DAAM1: variants seen among roughly 807,000 people sequenced by gnomAD.
DAAM1 encodes the protein disheveled-associated activator of morphogenesis 1.
Under a neutral mutation model 130.0 loss-of-function variants are expected in DAAM1, and 52 were observed. The observed-to-expected ratio is 0.40, with a 90% CI of 0.32 to 0.50. DAAM1 has a LOEUF of 0.50. DAAM1 is among the 20% of genes least tolerant of loss of function. The probability of loss-of-function intolerance (pLI) is 0.61; values close to 1 mark genes in which losing one functional copy is unlikely to be tolerated. For synonymous variants in DAAM1, 452 were observed against 444.5 expected, an observed-to-expected ratio of 1.02 and a Z score of -0.21; for missense variants, 1,134 against 1,303.8, an observed-to-expected ratio of 0.87 and a Z score of 2.01.
At chr14:59,262,938 C>T (rs868359749) in intron 1 of DAAM1, among the ~76,000 whole-genome samples, 1 of 152,086 alleles carries the variant, frequency 6.6e-6, no homozygotes, top group Middle Eastern at 3.2e-3. Flanking sequence ...AAGACACACT[C>T]ATAAAGAGCT....
At chr14:59,244,255 T>TTA (rs3047796) in intron 1 of DAAM1, among the ~76,000 whole-genome samples, 2 of 151,872 alleles carry the variant, frequency 1.3e-5, no homozygotes, top group African/African-American at 4.8e-5. Flanking sequence ...TTTTTTTTTT[T>TTA]AATAAATTGC....
At chr14:59,195,089 G>C (rs1887842683) in intron 1 of DAAM1, among the ~76,000 whole-genome samples, 1 of 150,998 alleles carries the variant, frequency 6.6e-6, no homozygotes, top group African/African-American at 2.4e-5. Context: ...TTTTTGAACA[G>C]ACATTGATTT....
chr14:59,255,670 C>T (rs1881848169), intron 1 of DAAM1, among the ~76,000 whole-genome samples: 1 of 152,168 alleles, frequency 6.6e-6, no homozygotes, highest in African/African-American at 2.4e-5. Context: ...CAACCTTTCT[C>T]TTTAAAGATG....
intron 4 of DAAM1, 57 bp downstream of exon 4, chr14:59,315,408 G>A: frequency 6.7e-7 from 1 of 1,489,532 alleles, no homozygotes; most frequent in Non-Finnish European, 9.3e-7. Context: ...GTAGTACAAA[G>A]TACACAGTTG....
At chr14:59,246,384 T>A (rs1881379972) in intron 1 of DAAM1, among the ~76,000 whole-genome samples, 1 of 152,158 alleles carries the variant, frequency 6.6e-6, no homozygotes, top group Non-Finnish European at 1.5e-5. Flanking sequence ...ATGTGACAAG[T>A]TTTCCTTCCT....
At chr14:59,243,879 T>C (rs1425139179) in intron 1 of DAAM1, among the ~76,000 whole-genome samples, 1 of 152,194 alleles carries the variant, frequency 6.6e-6, no homozygotes, top group Non-Finnish European at 1.5e-5. Flanking sequence ...AACATTAGCA[T>C]CCCAGGGATA....
Position 59,363,755 on chromosome 14 carries a change from A to G in DAAM1, c.2799A>G (p.Glu933=), listed in dbSNP as rs761565015. 2 of 1,614,098 alleles carry G rather than the reference A, an allele frequency of 1.2e-6. No homozygotes were observed. The highest frequency in any genetic ancestry group is 1.7e-5 in the Admixed American group (1 of 60,020). Residue 933 remains glutamate (E), a synonymous_variant, in exon 23 of 25, where the codon GAA becomes GAG. Coordinates refer to ENST00000360909, the MANE Select transcript of DAAM1 (RefSeq NM_001270520.2). Reference sequence around the variant, plus strand: ...CCAGCTTCAGCTTCTCTGATGTTGAAGACCTTCTAGCAGAAGCTAAAGACC... The same window carrying G: ...CCAGCTTCAGCTTCTCTGATGTTGAGGACCTTCTAGCAGAAGCTAAAGACC... ...TVASFSFSDV[E]DLLAEAKDLF...
In DAAM1 at chr14:59,248,565, G is replaced by T. The variant is rs577254679; in HGVS notation, c.-37-14876G>T. Among the ~76,000 whole-genome samples the T allele has an allele frequency of 3.0e-4, 45 of 152,256 alleles. No individual in the cohort carries two copies. In the South Asian group the frequency reaches 4.4e-3, roughly 15 times the overall value. On this transcript the variant is annotated intron_variant, in intron 1 of 24. Transcript: ENST00000360909. ...GCCGCCGCTGGTAATTTCTGTTTTG[G>T]TTGATGATTAGCTTTGTTTAATGAA... is the stretch of plus-strand genomic sequence containing the variant.
intron 1 of DAAM1, among the ~76,000 whole-genome samples, chr14:59,218,773 G>A (rs1888671453): frequency 6.6e-6 from 1 of 152,148 alleles, no homozygotes; most frequent in Non-Finnish European, 1.5e-5. Flanking sequence ...ATTCTTTGGA[G>A]ATATTTTTAA....
intron 1 of DAAM1, among the ~76,000 whole-genome samples, chr14:59,257,753 C>T (rs138786002): frequency 5.5e-4 from 84 of 152,362 alleles, no homozygotes; most frequent in African/African-American, 2.0e-3. Flanking sequence ...ACCCCCACGA[C>T]TCAGCATCCA....
chr14:59,202,068 C>A lies in DAAM1; in HGVS notation c.-38+13300C>A, dbSNP rs150114126. On this transcript the variant is annotated intron_variant, in intron 1 of 24. Coordinates refer to ENST00000360909, the MANE Select transcript of DAAM1 (RefSeq NM_001270520.2). Reference sequence around the variant, plus strand: ...ACTACCCATTCACAAATAATCAGTACCATGAGCATCCTTGAGATAAAAATT... The same window carrying A: ...ACTACCCATTCACAAATAATCAGTAACATGAGCATCCTTGAGATAAAAATT... Among the ~76,000 whole-genome samples the A allele has an allele frequency of 2.2e-3, 338 of 152,284 alleles. 1 individual carries two copies. The highest frequency in any genetic ancestry group is 7.7e-3 in the African/African-American group (320 of 41,558).
chr14:59,330,832 C>G (rs1415810872), intron 13 of DAAM1, 144 bp downstream of exon 13: 1 of 877,204 alleles, frequency 1.1e-6, no homozygotes, highest in Non-Finnish European at 1.7e-6. Flanking sequence ...CTCACTCCCT[C>G]TGCTATCATG....
At position 59,326,957 on chromosome 14, in the gene DAAM1, G is replaced by C; in HGVS notation, c.1338G>C (p.Lys446Asn). The change falls in exon 12 of 25, where the codon AAG becomes AAC. Residue 446 changes from lysine to asparagine, a missense_variant. By Grantham distance (94) the Lys-to-Asn change is moderately conservative. This residue lies in a region of DAAM1 where 391 missense variants were observed against 521.6 expected (regional missense o/e 0.75). Coordinates refer to ENST00000360909, the MANE Select transcript of DAAM1 (RefSeq NM_001270520.2). ...GGTTGGTTAATGAAAATGAAGTTAA[G>C]CAGTGGAAAGAACAAGCGGAAAAAA... ...VRMLVNENEV[K>N]QWKEQAEKMR... is the part of the protein sequence containing the mutation. 6.2e-7 allele frequency: 1 copy of C among 1,613,946 alleles called. No homozygotes were observed. Among genetic ancestry groups the C allele is most frequent in the Non-Finnish European group, 8.5e-7 (1 of 1,179,944 alleles).
chr14:59,281,327 C>A (rs567394201), intron 2 of DAAM1, among the ~76,000 whole-genome samples: 2 of 152,284 alleles, frequency 1.3e-5, no homozygotes, highest in East Asian at 3.9e-4. Flanking sequence ...TCACTACCCC[C>A]TTACCTTATA....
chr14:59,326,928 C>T lies in DAAM1; in HGVS notation c.1314-5C>T, dbSNP rs1192797261. 3.7e-6 allele frequency: 6 copies of T among 1,613,654 alleles called. No homozygotes were observed. Among genetic ancestry groups the T allele is most frequent in the African/African-American group, 1.3e-5 (1 of 74,868 alleles). Reference sequence around the variant, plus strand: ...GTAATAAATGCTCCTTGAACTCTTACACAGGTTGGTTAATGAAAATGAAGT... The same window carrying T: ...GTAATAAATGCTCCTTGAACTCTTATACAGGTTGGTTAATGAAAATGAAGT... On this transcript the variant is annotated splice_region_variant and splice_polypyrimidine_tract_variant and intron_variant, in intron 11 of 24. Coordinates refer to ENST00000360909, the MANE Select transcript of DAAM1 (RefSeq NM_001270520.2).
chr14:59,280,965 C>T (rs1356246841), intron 2 of DAAM1, among the ~76,000 whole-genome samples: 1 of 152,076 alleles, frequency 6.6e-6, no homozygotes, highest in Non-Finnish European at 1.5e-5. Context: ...CCCTCTGTTC[C>T]CTGTTTCCTA....
chr14:59,197,885 T>C (rs549210367), intron 1 of DAAM1, among the ~76,000 whole-genome samples: 6 of 152,168 alleles, frequency 3.9e-5, no homozygotes, highest in Non-Finnish European at 7.3e-5. Context: ...GAAAAGCATG[T>C]CTTCCCCCCT....
At chr14:59,295,859 T>C (rs1883937426) in intron 3 of DAAM1, among the ~76,000 whole-genome samples, 1 of 152,186 alleles carries the variant, frequency 6.6e-6, no homozygotes, top group Non-Finnish European at 1.5e-5. Flanking sequence ...AGAAGTTAGA[T>C]GTCTTCTTTC....
intron 21 of DAAM1, 173 bp from the exon 22 acceptor site, chr14:59,360,629 A>G: frequency 2.3e-6 from 1 of 435,866 alleles, no homozygotes; most frequent in East Asian, 3.5e-5. Flanking sequence ...TTATACCTAC[A>G]TTTCATGAGT....
Sources: allele counts gnomAD v4.1 joint callset (sites outside exome capture counted in the v4.1 genomes callset), GRCh38; gene constraint gnomAD v4.1.1; regional missense constraint gnomAD v4.1.1; transcripts MANE v1.5; gene names NCBI Gene and HGNC (gene_info 2026-07-23, HGNC 2026-07-21).